GLIS3: variants seen among roughly 807,000 people sequenced by gnomAD.
The protein encoded by GLIS3 is zinc finger protein GLIS3.
GLIS3 carries 53 observed loss-of-function variants against 78.6 expected under a neutral mutation model. That is an observed-to-expected ratio of 0.67 (90% CI 0.54 to 0.85). The LOEUF is 0.85. Ranked by LOEUF, GLIS3 falls within the 40% of genes least tolerant of loss-of-function variation. GLIS3 has a pLI of 0.00. For missense variants in GLIS3, 1,703 were observed against 1,231.1 expected, an observed-to-expected ratio of 1.38 and a Z score of -5.74; for synonymous variants, 684 against 509.9, an observed-to-expected ratio of 1.34 and a Z score of -4.60.
chr9:3,882,692 C>T (rs1473258184), intron 7 of GLIS3, among the ~76,000 whole-genome samples: 1 of 152,146 alleles, frequency 6.6e-6, no homozygotes, highest in East Asian at 1.9e-4. Context: ...AATGCTATGG[C>T]TGGTGAAGGG....
chr9:3,855,797 G>A (rs113844788), intron 9 of GLIS3: 41 of 588,546 alleles, frequency 7.0e-5, no homozygotes, highest in African/African-American at 1.9e-4. Context: ...TGACCAGTGC[G>A]ATGTGTCATA....
intron 2 of GLIS3, among the ~76,000 whole-genome samples, chr9:4,210,470 A>T (rs947360325): frequency 6.6e-6 from 1 of 152,238 alleles, no homozygotes; most frequent in African/African-American, 2.4e-5. Flanking sequence ...TCTGAATTAG[A>T]ATAGAATAGA....
chr9:4,475,333 C>CTCTTTCATAAT, the GLIS3 span, among the ~76,000 whole-genome samples: 1 of 152,162 alleles, frequency 6.6e-6, no homozygotes, highest in African/African-American at 2.4e-5. Context: ...TCCAAATGCC[C>CTCTTTCATAAT]ATTAAATATT....
intron 4 of GLIS3, among the ~76,000 whole-genome samples, chr9:4,018,768 T>C (rs538529446): frequency 6.6e-6 from 1 of 152,300 alleles, no homozygotes; most frequent in East Asian, 1.9e-4. Flanking sequence ...CCCCAGTGAT[T>C]CTGATCCATG....
the GLIS3 span, among the ~76,000 whole-genome samples, chr9:4,474,508 G>T: frequency 6.6e-6 from 1 of 151,718 alleles, no homozygotes; most frequent in African/African-American, 2.4e-5. Flanking sequence ...ATATCCATAG[G>T]GAAAAAAATG....
chr9:4,117,864 C>T lies in GLIS3; in HGVS notation c.1614G>A (p.Trp538Ter). ...QRKGEDFTCF[W>*]AGCPRRYKPF... ...GCTTGTATCTTCGAGGGCAACCGGC[C>T]CAGAAGCAAGTGAAGTCCTCCCCTT... The change falls in exon 4 of 11, where the codon TGG becomes TGA. Residue 538 changes from tryptophan (W) to a stop codon, truncating the protein, a stop_gained. Coordinates refer to ENST00000381971, the MANE Select transcript of GLIS3 (RefSeq NM_001042413.2). LOFTEE classifies it high-confidence loss of function. The T allele has an allele frequency of 6.2e-7, 1 of 1,614,112 alleles. No homozygotes were observed. Among genetic ancestry groups the T allele is most frequent in the Non-Finnish European group, 8.5e-7 (1 of 1,180,022 alleles).
chr9:4,246,282 G>A (rs992613284), intron 2 of GLIS3, among the ~76,000 whole-genome samples: 2 of 152,164 alleles, frequency 1.3e-5, no homozygotes, highest in Admixed American at 6.5e-5. Flanking sequence ...TCATTTAAAT[G>A]GTTAGTGATG....
At chr9:4,229,569 C>G (rs1371537372) in intron 2 of GLIS3, among the ~76,000 whole-genome samples, 1 of 152,014 alleles carries the variant, frequency 6.6e-6, no homozygotes, top group South Asian at 2.1e-4. Flanking sequence ...TTAAAAGTGC[C>G]CTGAAGCACG....
chr9:4,215,692 T>C (rs1286021669), intron 2 of GLIS3, among the ~76,000 whole-genome samples: 1 of 152,220 alleles, frequency 6.6e-6, no homozygotes, highest in Admixed American at 6.5e-5. Context: ...CAATACCTAC[T>C]GAAAGCTGTA....
chr9:4,112,261 T>C (rs183988819), intron 4 of GLIS3, among the ~76,000 whole-genome samples: 21 of 152,288 alleles, frequency 1.4e-4, no homozygotes, highest in Non-Finnish European at 2.6e-4. Context: ...ATCATTCTAA[T>C]ATCTTATCTC....
chr9:4,038,927 A>C (rs1438330329), intron 4 of GLIS3, among the ~76,000 whole-genome samples: 1 of 152,140 alleles, frequency 6.6e-6, no homozygotes, highest in African/African-American at 2.4e-5. Context: ...AAGGCAGTCT[A>C]ATTTCCCCAA....
intron 9 of GLIS3, among the ~76,000 whole-genome samples, chr9:3,847,654 T>G (rs375833851): frequency 3.1e-4 from 47 of 152,362 alleles, no homozygotes; most frequent in African/African-American, 1.1e-3. Flanking sequence ...CAACACCTTT[T>G]CTGGTTCACA....
intron 4 of GLIS3, among the ~76,000 whole-genome samples, chr9:3,956,627 T>TTTTTG (rs140183933): frequency 2.0e-4 from 31 of 152,258 alleles, no homozygotes; most frequent in South Asian, 4.1e-4. Context: ...ATGGAGGGTT[T>TTTTTG]TTTTGTTTTG....
At chr9:4,451,443 G>C in the GLIS3 span, among the ~76,000 whole-genome samples, 118 of 152,222 alleles carry the variant, frequency 7.8e-4, 1 homozygote, top group Non-Finnish European at 2.9e-4. Context: ...AGATCAACAA[G>C]ACAGAAGGTT....
the GLIS3 span, among the ~76,000 whole-genome samples, chr9:4,426,656 C>T: frequency 1.3e-5 from 2 of 152,222 alleles, no homozygotes; most frequent in East Asian, 1.9e-4. Flanking sequence ...ATTTGGGCAA[C>T]CATATAGCAA....
chr9:4,130,944 C>A (rs1161559154), intron 2 of GLIS3, among the ~76,000 whole-genome samples: 1 of 152,238 alleles, frequency 6.6e-6, no homozygotes, highest in Admixed American at 6.5e-5. Context: ...CCCCACAAAG[C>A]CTCAGAAGCA....
At chr9:4,210,571 G>C (rs1048015006) in intron 2 of GLIS3, among the ~76,000 whole-genome samples, 2 of 152,124 alleles carry the variant, frequency 1.3e-5, no homozygotes, top group African/African-American at 4.8e-5. Flanking sequence ...ATTTTAGTGA[G>C]CTGCCCTGGG....
intron 6 of GLIS3, among the ~76,000 whole-genome samples, chr9:3,930,040 G>C (rs1825514712): frequency 6.6e-6 from 1 of 152,080 alleles, no homozygotes; most frequent in Admixed American, 6.5e-5. Flanking sequence ...ACTAGTTTCA[G>C]GTTTATTAGC....
At chr9:4,298,045 A>G (rs934298480) in intron 1 of GLIS3, among the ~76,000 whole-genome samples, 2 of 152,080 alleles carry the variant, frequency 1.3e-5, no homozygotes, top group Non-Finnish European at 2.9e-5. Flanking sequence ...CCCGTGCGCG[A>G]GCGAGCGAGG....
Sources: gnomAD v4.1 joint callset for allele counts (sites outside exome capture counted in the v4.1 genomes callset) on GRCh38, gnomAD v4.1.1 for gene constraint, MANE v1.5 for transcripts, NCBI Gene and HGNC (gene_info 2026-07-23, HGNC 2026-07-21) for gene names.